The following UBR1 variants were observed in gnomAD, a reference collection of about 807,000 sequenced individuals.
UBR1 encodes the protein ubiquitin protein ligase E3 component n-recognin 1, also known as E3 ubiquitin-protein ligase UBR1.
Under a neutral mutation model 242.1 loss-of-function variants are expected in UBR1, and 102 were observed. That is an observed-to-expected ratio of 0.42 (90% confidence interval 0.36 to 0.50). The LOEUF is 0.50. Ranked by LOEUF, UBR1 falls within the 20% of genes least tolerant of loss-of-function variation. UBR1 has a pLI of 0.01. For synonymous variants in UBR1, 675 were observed against 684.8 expected (o/e 0.99, Z 0.22); for missense variants, 1,772 against 2,101.8 (o/e 0.84, Z 3.07).
chr15:43,103,946 G>A (rs1184417359), intron 1 of UBR1, among the ~76,000 whole-genome samples: 2 of 151,540 alleles, frequency 1.3e-5, no homozygotes, highest in East Asian at 1.9e-4. Context: ...AAAGAGAGAG[G>A]TAGAATGATC....
At position 43,015,749 on chromosome 15, in the gene UBR1, G is replaced by A; in HGVS notation, c.3148C>T (p.Leu1050Phe). ...LQKNFIETHK[L>F]MYDNTSEMPG... ...ATTTCTGATGTATTGTCATACATGA[G>A]TTTATGAGTTTCAATGAAGTTTTTC... The change falls in exon 29 of 47, where the codon CTC becomes TTC. Residue 1050 changes from leucine (L) to phenylalanine (F), a missense_variant. Leu to Phe is a conservative substitution (Grantham distance 22). This residue lies in a region of UBR1 where 965 missense variants were observed against 1,079.7 expected (regional missense o/e 0.89). Transcript: ENST00000290650. The A allele has an allele frequency of 6.2e-7, 1 of 1,614,120 alleles. No individual in the cohort carries two copies. The highest frequency in any genetic ancestry group is 8.5e-7 in the Non-Finnish European group (1 of 1,180,030).
chr15:43,070,762 C>A, intron 5 of UBR1, 33 bp downstream of exon 5: 2 of 1,610,900 alleles, frequency 1.2e-6, no homozygotes, highest in Non-Finnish European at 1.7e-6. Flanking sequence ...ATAACCATCA[C>A]TAAAACTTGT....
At chr15:43,099,400 A>G (rs1296341244) in intron 1 of UBR1, among the ~76,000 whole-genome samples, 1 of 152,148 alleles carries the variant, frequency 6.6e-6, no homozygotes, top group Non-Finnish European at 1.5e-5. Flanking sequence ...CATAATGATT[A>G]TTGCGTAACC....
intron 6 of UBR1, among the ~76,000 whole-genome samples, chr15:43,062,381 A>C (rs1310003909): frequency 6.6e-6 from 1 of 152,154 alleles, no homozygotes; most frequent in African/African-American, 2.4e-5. Context: ...CATTTGTATG[A>C]GATATCTAAA....
rs114719120 is a variant in UBR1 at position 43,049,962 on chromosome 15, T to C, written c.1440-1471A>G. On this transcript the variant is annotated intron_variant, in intron 12 of 46. Transcript: ENST00000290650. ...GAATAAGAAGCTTCCCTGCCCCCGT[T>C]TTTTTTTTAAACTTGGCCTTACTCT... 5.2e-3 allele frequency among the ~76,000 whole-genome samples: 789 copies of C among 151,166 alleles called. 9 individuals are homozygous for C. The highest frequency in any genetic ancestry group is 0.018 in the African/African-American group (758 of 41,224).
At chr15:43,063,236 G>A (rs187252168) in intron 6 of UBR1, among the ~76,000 whole-genome samples, 1 of 152,320 alleles carries the variant, frequency 6.6e-6, no homozygotes, top group African/African-American at 2.4e-5. Flanking sequence ...CTATAGAGGA[G>A]AGCAGTAACA....
chr15:43,082,900 C>A (rs531115310), intron 2 of UBR1, among the ~76,000 whole-genome samples, 184 bp from the exon 3 acceptor site: 5 of 152,222 alleles, frequency 3.3e-5, no homozygotes, highest in Non-Finnish European at 7.3e-5. Flanking sequence ...ACTTTAGTCT[C>A]ATTTTAGCCA....
chr15:43,036,188 G>A lies in UBR1; in HGVS notation c.2180C>T (p.Thr727Ile). The A allele has an allele frequency of 6.2e-7, 1 of 1,611,998 alleles. No homozygotes were observed. The highest frequency in any genetic ancestry group is 8.5e-7 in the Non-Finnish European group (1 of 1,178,310). ...TTACAGGTTGTATACCTGGTCTTTTGTAGATATGGTCTTGTTAAAAGCCTC... is the reference window on the plus strand; with the variant it reads ...TTACAGGTTGTATACCTGGTCTTTTATAGATATGGTCTTGTTAAAAGCCTC... ...LAEAFNKTIS[T>I]KDQDLIKQYN... Residue 727 changes from threonine to isoleucine, a missense_variant, in exon 19 of 47, where the codon ACA (threonine) becomes ATA (isoleucine). Coordinates refer to ENST00000290650, the MANE Select transcript of UBR1 (RefSeq NM_174916.3).
intron 34 of UBR1, 63 bp from the exon 35 acceptor site, chr15:42,989,030 A>G: frequency 1.4e-6 from 2 of 1,391,180 alleles, no homozygotes; most frequent in Non-Finnish European, 2.0e-6. Flanking sequence ...AAGAAGTCCA[A>G]TTAAGTCCTG....
At chr15:42,949,751 A>C (rs2031798661) in intron 46 of UBR1, among the ~76,000 whole-genome samples, 1 of 151,688 alleles carries the variant, frequency 6.6e-6, no homozygotes, top group Non-Finnish European at 1.5e-5. Flanking sequence ...GTGAGCTGAG[A>C]TAGCGCCACT....
chr15:43,019,186 T>C (rs1167034550), intron 27 of UBR1, among the ~76,000 whole-genome samples: 2 of 152,124 alleles, frequency 1.3e-5, no homozygotes, highest in Admixed American at 1.3e-4. Flanking sequence ...CTCAGCCTCC[T>C]GAGTAGCTGG....
At chr15:43,022,845 G>C in intron 25 of UBR1, 44 bp from the exon 26 acceptor site, 1 of 1,219,940 alleles carries the variant, frequency 8.2e-7, no homozygotes, top group Non-Finnish European at 1.2e-6. Flanking sequence ...CGCTTCTTCA[G>C]GTAAATATAT....
chr15:43,066,861 C>T (rs534934292), intron 6 of UBR1, among the ~76,000 whole-genome samples: 15 of 152,170 alleles, frequency 9.9e-5, no homozygotes, highest in African/African-American at 2.4e-4. Flanking sequence ...TGGCCTCAAG[C>T]GATCCTCCTA....
chr15:43,106,002 T>C lies in UBR1; in HGVS notation c.21A>G (p.Gly7=). 6.2e-7 allele frequency: 1 copy of C among 1,613,482 alleles called. No homozygotes were observed. The highest frequency in any genetic ancestry group is 8.5e-7 in the Non-Finnish European group (1 of 1,179,782). Reference sequence around the variant, plus strand: ...CGCTGATTTCCATCCTCTCAGTACCTCCAGCCTCCTCGTCCGCCATCTTGA... The same window carrying C: ...CGCTGATTTCCATCCTCTCAGTACCCCCAGCCTCCTCGTCCGCCATCTTGA... MADEEA[G]GTERMEISAE... The change falls in exon 1 of 47, where the codon GGA becomes GGG. Residue 7 remains glycine (G), a synonymous_variant. Coordinates refer to ENST00000290650, the MANE Select transcript of UBR1 (RefSeq NM_174916.3).
chr15:43,101,769 C>G (rs904719605), intron 1 of UBR1, among the ~76,000 whole-genome samples: 3 of 151,898 alleles, frequency 2.0e-5, no homozygotes, highest in African/African-American at 7.3e-5. Flanking sequence ...GAGTTCAAGA[C>G]CAACCTGGCC....
rs576548670 is a variant in UBR1 at position 43,073,781 on chromosome 15, A to G, written c.528+1198T>C. On this transcript the variant is annotated intron_variant, in intron 4 of 46. Coordinates refer to ENST00000290650, the MANE Select transcript of UBR1 (RefSeq NM_174916.3). ...TGTGAACCTTTTCAAGCTGGGTCCT[A>G]CGTTCTTTTGCATGAGCTTGCCTTA... Among the ~76,000 whole-genome samples, 8 of 152,268 alleles carry G rather than the reference A, an allele frequency of 5.3e-5. No individual in the cohort carries two copies. In the South Asian group the frequency reaches 1.7e-3, roughly 32 times the overall value.
intron 41 of UBR1, 139 bp downstream of exon 41, chr15:42,966,014 T>C: frequency 1.6e-6 from 2 of 1,283,220 alleles, no homozygotes; most frequent in Non-Finnish European, 2.2e-6. Context: ...CCAGGGCTCA[T>C]GTTTGAAGGG....
Position 42,955,374 on chromosome 15 carries a change from C to T in UBR1, c.4835+2639G>A, listed in dbSNP as rs568445082. ...AATTAATTTAAGTATTTTACTAAAA[C>T]GTCTGGCTGCTGCATAATGCTTAGT... is the stretch of plus-strand genomic sequence containing the variant. On this transcript the variant is annotated intron_variant, in intron 44 of 46. Transcript: ENST00000290650. Among the ~76,000 whole-genome samples the T allele has an allele frequency of 1.4e-3, 218 of 152,234 alleles. 8 individuals carry two copies. The South Asian group carries it at 0.042, about 30-fold the overall frequency.
chr15:43,083,757 G>A lies in UBR1; in HGVS notation c.339-1041C>T, dbSNP rs139834166. Among the ~76,000 whole-genome samples, 610 of 151,898 alleles carry A rather than the reference G, an allele frequency of 4.0e-3. 5 individuals carry two copies. Among genetic ancestry groups the A allele is most frequent in the African/African-American group, 0.014 (573 of 41,454 alleles). On this transcript the variant is annotated intron_variant, in intron 2 of 46. Transcript: ENST00000290650. ...GGGGAATTTTAAAAAGATTTTAAAA[G>A]GCTGGCCAGGCTTGGTGGCTCACAC... is the stretch of plus-strand genomic sequence containing the variant.
Sources: allele counts gnomAD v4.1 joint callset (sites outside exome capture counted in the v4.1 genomes callset), GRCh38; gene constraint gnomAD v4.1.1; regional missense constraint gnomAD v4.1.1; transcripts MANE v1.5; gene names NCBI Gene and HGNC (gene_info 2026-07-23, HGNC 2026-07-21).